CYP4F2: variants seen among roughly 807,000 people sequenced by gnomAD.
The protein encoded by CYP4F2 is cytochrome P450 family 4 subfamily F member 2.
A neutral mutation model predicts 58.9 loss-of-function variants in CYP4F2; 58 were observed. The observed-to-expected ratio is 0.98, with a 90% CI of 0.80 to 1.23. The LOEUF is 1.23. Among genes scored for constraint, CYP4F2 ranks in the 50% most tolerant of loss-of-function variants. CYP4F2 has a pLI of 0.00. For missense variants in CYP4F2, 616 were observed against 685.6 expected (o/e 0.90, Z 1.13); for synonymous variants, 287 against 261.1 (o/e 1.10, Z -0.95).
At position 15,897,439 on chromosome 19, in the gene CYP4F2, T is replaced by C; in HGVS notation, c.173A>G (p.Asn58Ser). The change falls in exon 2 of 13, where the codon AAC (asparagine) becomes AGC (serine). Residue 58 changes from asparagine (N) to serine (S), a missense_variant. Transcript: ENST00000221700. ...LRCFPQPPRR[N>S]WFWGHQGMVN... is the part of the protein sequence containing the mutation. ...CATGCCCTGGTGTCCCCAAAACCAG[T>C]TCCGTCTTGGGGGTTGTGGGAAACA... The C allele has an allele frequency of 1.2e-6, 2 of 1,613,454 alleles. No homozygotes were observed. The highest frequency in any genetic ancestry group is 1.7e-6 in the Non-Finnish European group (2 of 1,179,756).
intron 9 of CYP4F2, among the ~76,000 whole-genome samples, chr19:15,884,727 G>C (rs1338199500): frequency 6.6e-6 from 1 of 152,180 alleles, no homozygotes; most frequent in African/African-American, 2.4e-5. Flanking sequence ...GTGTGGACGA[G>C]AGGACACTGA....
chr19:15,884,538 T>C (rs567955171), intron 9 of CYP4F2, among the ~76,000 whole-genome samples: 4 of 152,372 alleles, frequency 2.6e-5, no homozygotes, highest in East Asian at 1.9e-4. Context: ...ATATCCCAAG[T>C]ACACTGATTT....
rs1270098544 is a variant in CYP4F2, at chr19:15,884,049, ACT to A, written c.1115+1873_1115+1874del. ...ACTTCAGCCTGGGCGACAGAACAAG[ACT>A]CTGTCTCAAAGAAAGAAAGAAAGGA... On this transcript the variant is annotated intron_variant, in intron 9 of 12. Transcript: ENST00000221700. Among the ~76,000 whole-genome samples the A allele has an allele frequency of 2.0e-5, 3 of 152,002 alleles. No individual in the cohort carries two copies. The East Asian group carries it at 5.8e-4, about 29-fold the overall frequency.
At chr19:15,880,667 A>G (rs1280892151) in intron 9 of CYP4F2, among the ~76,000 whole-genome samples, 1 of 152,098 alleles carries the variant, frequency 6.6e-6, no homozygotes, top group African/African-American at 2.4e-5. Context: ...AAAAGTAAAT[A>G]TTTTTAAAGA....
intron 5 of CYP4F2, 22 bp downstream of exon 5, chr19:15,892,287 A>G: frequency 6.2e-7 from 1 of 1,614,088 alleles, no homozygotes; most frequent in Non-Finnish European, 8.5e-7. Context: ...TGCAAGTGGG[A>G]CCTTGGCTTC....
intron 7 of CYP4F2, among the ~76,000 whole-genome samples, chr19:15,888,979 C>T (rs776508312): frequency 1.1e-4 from 16 of 152,022 alleles, no homozygotes; most frequent in Admixed American, 3.3e-4. Flanking sequence ...AAAGACAGGA[C>T]AAAGGCGTAG....
Position 15,878,560 on chromosome 19 carries a change from G to C in CYP4F2, c.*211C>G. On this transcript the variant is annotated 3_prime_UTR_variant, in exon 13 of 13. Coordinates refer to ENST00000221700, the MANE Select transcript of CYP4F2 (RefSeq NM_001082.5). ...TTTCATCTGGTAATATATAGCTTGGGGTTGTTTTCATCGTTTGGCTACTGT... is the reference window on the plus strand; with the variant it reads ...TTTCATCTGGTAATATATAGCTTGGCGTTGTTTTCATCGTTTGGCTACTGT... 5.3e-6 allele frequency: 4 copies of C among 760,362 alleles called. No homozygotes were observed. In the South Asian group the frequency reaches 8.2e-5, roughly 16 times the overall value. 47.1% of individuals were successfully genotyped at this position (760,362 alleles called of 1,614,324 possible).
Position 15,879,869 on chromosome 19 carries a change from T to C in CYP4F2, c.1144A>G (p.Thr382Ala). 6.2e-7 allele frequency: 1 copy of C among 1,614,096 alleles called. No homozygotes were observed. The highest frequency in any genetic ancestry group is 8.5e-7 in the Non-Finnish European group (1 of 1,180,010). ...WDDLAHLPFLTMCMKESLRLH... is the reference protein window; with the variant it reads ...WDDLAHLPFLAMCMKESLRLH... Reference sequence around the variant, plus strand: ...CGCAGGCTCTCCTTCATGCACATGGTCAGGAAGGGCAAATGGGCCAGGTCG... The same window carrying C: ...CGCAGGCTCTCCTTCATGCACATGGCCAGGAAGGGCAAATGGGCCAGGTCG... Residue 382 changes from threonine to alanine, a missense_variant, in exon 10 of 13, where the codon ACC becomes GCC. Physicochemically the swap from Thr to Ala is moderately conservative, Grantham distance 58. Coordinates refer to ENST00000221700, the MANE Select transcript of CYP4F2 (RefSeq NM_001082.5).
At chr19:15,886,620 A>C in intron 7 of CYP4F2, 1 of 365,636 alleles carries the variant, frequency 2.7e-6, no homozygotes, top group Non-Finnish European at 4.9e-6. Context: ...TTAAATGGCA[A>C]TTTCCCTTGG....
At position 15,895,651 on chromosome 19, in the gene CYP4F2, C is replaced by T; in HGVS notation, c.199-1G>A. ...TCATGCCCTCCTCTGTGGGGTTGAC[C>T]TGCAAGCAAGGCAGGGGTCATTACC... On this transcript the variant is annotated splice_acceptor_variant, in intron 2 of 12. Transcript: ENST00000221700. LOFTEE classifies it high-confidence loss of function. 4 of 1,594,904 alleles carry T rather than the reference C, an allele frequency of 2.5e-6. 1 individual carries two copies. The highest frequency in any genetic ancestry group is 2.3e-5 in the South Asian group (2 of 87,718).
intron 4 of CYP4F2, 41 bp downstream of exon 4, chr19:15,892,488 C>G (rs1338057371): frequency 2.4e-5 from 39 of 1,614,060 alleles, no homozygotes; most frequent in Non-Finnish European, 3.3e-5. Context: ...CCCCTGGCCC[C>G]CCAACGTTTT....
Position 15,895,605 on chromosome 19 carries a change from C to G in CYP4F2, c.244G>C (p.Ala82Pro), listed in dbSNP as rs1555775221. The change falls in exon 3 of 13, where the codon GCC becomes CCC. Residue 82 changes from alanine (A) to proline (P), a missense_variant. Coordinates refer to ENST00000221700, the MANE Select transcript of CYP4F2 (RefSeq NM_001082.5). ...ACCTTAAAGCCCTGGGGGTAGGTGG[C>G]CACCAGCTGAGTCAGAACTCTCATG... ...EGMRVLTQLVATYPQGFKVWM... is the reference protein window; with the variant it reads ...EGMRVLTQLVPTYPQGFKVWM... The G allele has an allele frequency of 1.3e-6, 2 of 1,594,072 alleles. No individual in the cohort carries two copies. The highest frequency in any genetic ancestry group is 1.7e-6 in the Non-Finnish European group (2 of 1,171,652).
intron 3 of CYP4F2, among the ~76,000 whole-genome samples, chr19:15,894,194 G>A (rs935132755): frequency 2.0e-5 from 3 of 152,158 alleles, no homozygotes; most frequent in Non-Finnish European, 2.9e-5. Context: ...CCCAGACCAC[G>A]GCAAGCCTGA....
intron 7 of CYP4F2, 112 bp downstream of exon 7, chr19:15,889,311 A>G (rs944721942): frequency 8.2e-6 from 13 of 1,585,990 alleles, no homozygotes; most frequent in Middle Eastern, 1.7e-4. Flanking sequence ...CCCTTCCTCA[A>G]TCACCTTCCA....
At chr19:15,880,802 G>A (rs1347305689) in intron 9 of CYP4F2, among the ~76,000 whole-genome samples, 1 of 152,142 alleles carries the variant, frequency 6.6e-6, no homozygotes, top group Non-Finnish European at 1.5e-5. Context: ...GAAGAAATAT[G>A]AAGATTGGCA....
Position 15,890,399 on chromosome 19 carries a change from G to A in CYP4F2, c.560C>T (p.Ala187Val). The A allele has an allele frequency of 6.2e-7, 1 of 1,614,084 alleles. No homozygotes were observed. Among genetic ancestry groups the A allele is most frequent in the Non-Finnish European group, 8.5e-7 (1 of 1,179,992 alleles). The change falls in exon 6 of 13, where the codon GCC becomes GTC. Residue 187 changes from alanine to valine, a missense_variant. By Grantham distance (64) the Ala-to-Val change is moderately conservative (BLOSUM62 0). Coordinates refer to ENST00000221700, the MANE Select transcript of CYP4F2 (RefSeq NM_001082.5). ...KWQLLASEGS[A>V]CLDMFEHISL... ...GATGTGCTCAAACATATCCAAACAG[G>A]CACTACCCTCTGAGGCCAGGAGCTG...
At chr19:15,894,775 C>G (rs550569107) in intron 3 of CYP4F2, among the ~76,000 whole-genome samples, 2 of 152,146 alleles carry the variant, frequency 1.3e-5, no homozygotes, top group African/African-American at 4.8e-5. Flanking sequence ...GCCCGTCCAA[C>G]GATGGGAAGC....
At chr19:15,891,282 C>G (rs895755922) in intron 5 of CYP4F2, among the ~76,000 whole-genome samples, 3 of 152,138 alleles carry the variant, frequency 2.0e-5, no homozygotes, top group African/African-American at 7.2e-5. Flanking sequence ...CTTATAGAAG[C>G]CCACCTGTGT....
chr19:15,894,882 G>A (rs2089439014), intron 3 of CYP4F2, among the ~76,000 whole-genome samples: 1 of 152,138 alleles, frequency 6.6e-6, no homozygotes, highest in African/African-American at 2.4e-5. Flanking sequence ...GGGCAGACAA[G>A]CTATAGGATG....
Sources: gnomAD v4.1 joint callset for allele counts (sites outside exome capture counted in the v4.1 genomes callset) on GRCh38, gnomAD v4.1.1 for gene constraint, MANE v1.5 for transcripts, NCBI Gene and HGNC (gene_info 2026-07-23, HGNC 2026-07-21) for gene names.